The following PXDNL variants were observed in gnomAD, a reference collection of about 807,000 sequenced individuals.
PXDNL encodes peroxidasin like, also known as probable oxidoreductase PXDNL.
PXDNL carries 145 observed loss-of-function variants against 150.8 expected under a neutral mutation model. The ratio of observed to expected loss-of-function variants is 0.96; its 90% CI spans 0.84 to 1.10. The LOEUF (loss-of-function observed/expected upper bound fraction) is 1.10, where lower values mean the gene tolerates loss of function less well. Ranked by LOEUF, PXDNL falls within the 50% of genes least tolerant of loss-of-function variation. PXDNL has a pLI of 0.00. For synonymous variants in PXDNL, 757 were observed against 725.7 expected (o/e 1.04, Z -0.69); for missense variants, 2,087 against 1,873.9 (o/e 1.11, Z -2.10).
At chr8:51,769,592 G>A (rs2037270569) in intron 1 of PXDNL, among the ~76,000 whole-genome samples, 1 of 152,116 alleles carries the variant, frequency 6.6e-6, no homozygotes, top group Non-Finnish European at 1.5e-5. Context: ...TGTGATACAT[G>A]TTTTGACATG....
At chr8:51,555,724 C>T (rs973785585) in intron 4 of PXDNL, among the ~76,000 whole-genome samples, 46 of 152,232 alleles carry the variant, frequency 3.0e-4, no homozygotes, top group African/African-American at 1.1e-3. Flanking sequence ...AGAACTATCC[C>T]ATAGGTTGTC....
chr8:51,719,261 A>T (rs1816679436), intron 1 of PXDNL, among the ~76,000 whole-genome samples: 1 of 152,206 alleles, frequency 6.6e-6, no homozygotes, highest in Non-Finnish European at 1.5e-5. Context: ...TGTAGAAAGA[A>T]GTAGACATAG....
chr8:51,631,781 G>A (rs1337350113), intron 2 of PXDNL, among the ~76,000 whole-genome samples: 1 of 152,064 alleles, frequency 6.6e-6, no homozygotes, highest in African/African-American at 2.4e-5. Flanking sequence ...ACATAACAGT[G>A]GAGGTACAGA....
At chr8:51,590,043 G>A (rs1296048686) in intron 3 of PXDNL, among the ~76,000 whole-genome samples, 2 of 152,106 alleles carry the variant, frequency 1.3e-5, no homozygotes, top group Non-Finnish European at 2.9e-5. Context: ...TTCAGGGAAT[G>A]GGCTCAAGAT....
intron 1 of PXDNL, among the ~76,000 whole-genome samples, chr8:51,741,677 T>C (rs1440150105): frequency 1.3e-5 from 2 of 152,166 alleles, no homozygotes; most frequent in Admixed American, 6.5e-5. Flanking sequence ...AACCCCAAAA[T>C]AGAGCCATAC....
chr8:51,404,254 C>T lies in PXDNL; in HGVS notation c.3557+3813G>A, dbSNP rs139546175. On this transcript the variant is annotated intron_variant, in intron 17 of 22. Coordinates refer to ENST00000356297, the MANE Select transcript of PXDNL (RefSeq NM_144651.5). Reference sequence around the variant, plus strand: ...CGAAAGAGACCGGAGTGGATTGCCACTGTTGGCTCAGGCAGCCTGCTTTTA... The same window carrying T: ...CGAAAGAGACCGGAGTGGATTGCCATTGTTGGCTCAGGCAGCCTGCTTTTA... Among the ~76,000 whole-genome samples, 36 of 152,364 alleles carry T rather than the reference C, an allele frequency of 2.4e-4. 1 individual carries two copies. The East Asian group carries it at 6.8e-3, about 29-fold the overall frequency.
At position 51,413,198 on chromosome 8, in the gene PXDNL, T is replaced by A. The variant is rs1315249734; in HGVS notation, c.1856A>T (p.Gln619Leu). The change falls in exon 15 of 23, where the codon CAG becomes CTG. Residue 619 changes from glutamine (Q) to leucine (L), a missense_variant. Physicochemically the swap from Gln to Leu is moderately radical, Grantham distance 113. Transcript: ENST00000356297. ...FVESSILDAV[Q>L]RVDSAINSTR... is the part of the protein sequence containing the mutation. Reference sequence around the variant, plus strand: ...GGAGTTAATTGCACTGTCAACTCTCTGTACAGCATCAAGAATGGAAGATTC... The same window carrying A: ...GGAGTTAATTGCACTGTCAACTCTCAGTACAGCATCAAGAATGGAAGATTC... The A allele has an allele frequency of 6.2e-7, 1 of 1,612,886 alleles. No homozygotes were observed. Among genetic ancestry groups the A allele is most frequent in the Non-Finnish European group, 8.5e-7 (1 of 1,178,958 alleles).
At chr8:51,637,349 G>A (rs185513536) in intron 2 of PXDNL, among the ~76,000 whole-genome samples, 88 of 152,332 alleles carry the variant, frequency 5.8e-4, no homozygotes, top group Middle Eastern at 6.8e-3. Flanking sequence ...AAGCAGGACA[G>A]AGAATGACTT....
intron 17 of PXDNL, among the ~76,000 whole-genome samples, chr8:51,393,418 A>G (rs1398510736): frequency 2.6e-5 from 4 of 152,264 alleles, no homozygotes; most frequent in African/African-American, 9.6e-5. Flanking sequence ...AAGGAAATGA[A>G]GAGAGCACGT....
At chr8:51,595,368 G>A (rs1321641379) in intron 2 of PXDNL, among the ~76,000 whole-genome samples, 1 of 151,738 alleles carries the variant, frequency 6.6e-6, no homozygotes, top group African/African-American at 2.4e-5. Context: ...TCATCAAAGT[G>A]TAAAATAAAA....
chr8:51,632,929 T>C lies in PXDNL; in HGVS notation c.236+21760A>G, dbSNP rs115998402. Among the ~76,000 whole-genome samples, 511 of 152,288 alleles carry C rather than the reference T, an allele frequency of 3.4e-3. 5 individuals are homozygous for C. Among genetic ancestry groups the C allele is most frequent in the African/African-American group, 0.012 (489 of 41,562 alleles). Reference sequence around the variant, plus strand: ...TGTTATTTTAGATTCAGGGGGTACATGTGTAGGTTTGTTACATGGGTATAC... The same window carrying C: ...TGTTATTTTAGATTCAGGGGGTACACGTGTAGGTTTGTTACATGGGTATAC... On this transcript the variant is annotated intron_variant, in intron 2 of 22. Transcript: ENST00000356297.
At chr8:51,453,387 C>T (rs1390810911) in intron 10 of PXDNL, 132 bp downstream of exon 10, 1 of 1,004,970 alleles carries the variant, frequency 1.0e-6, no homozygotes, top group African/African-American at 1.6e-5. Context: ...CTTTGAAAAT[C>T]TTATTGTGTC....
rs185822326 is a variant in PXDNL at position 51,481,620 on chromosome 8, T to C, written c.524+2023A>G. Among the ~76,000 whole-genome samples, 234 of 152,106 alleles carry C rather than the reference T, an allele frequency of 1.5e-3. 2 individuals carry two copies. Among genetic ancestry groups the C allele is most frequent in the African/African-American group, 5.4e-3 (226 of 41,496 alleles). ...GGCCTGGAGGCCTAGGAGGGAAAAATGGTTTCATGGACTGGGCCTAGGGCC... is the reference window on the plus strand; with the variant it reads ...GGCCTGGAGGCCTAGGAGGGAAAAACGGTTTCATGGACTGGGCCTAGGGCC... On this transcript the variant is annotated intron_variant, in intron 6 of 22. Transcript: ENST00000356297.
intron 12 of PXDNL, among the ~76,000 whole-genome samples, chr8:51,430,156 A>G (rs1293741202): frequency 6.6e-6 from 1 of 152,164 alleles, no homozygotes; most frequent in Non-Finnish European, 1.5e-5. Flanking sequence ...ATCACTTATA[A>G]TATTTTGGAA....
intron 5 of PXDNL, among the ~76,000 whole-genome samples, chr8:51,499,160 C>T (rs778437638): frequency 2.0e-5 from 3 of 152,184 alleles, no homozygotes; most frequent in East Asian, 1.9e-4. Context: ...GATGGAGTCT[C>T]ACTCTGTCAC....
chr8:51,553,771 T>TATATATATATATATATATATAC lies in PXDNL; in HGVS notation c.380+3068_380+3069insGTATATATATATATATATATAT, dbSNP rs1236843720. On this transcript the variant is annotated intron_variant, in intron 4 of 22. Coordinates refer to ENST00000356297, the MANE Select transcript of PXDNL (RefSeq NM_144651.5). ...ATATATATATATATATATATATATA[T>TATATATATATATATATATATAC]ACACACACTGAAAATATAAATCTCG... Among the ~76,000 whole-genome samples, 92 of 63,664 alleles carry TATATATATATATATATATATAC rather than the reference T, an allele frequency of 1.4e-3. 2 individuals carry two copies. The highest frequency in any genetic ancestry group is 8.1e-3 in the African/African-American group (86 of 10,584). 41.8% of individuals were successfully genotyped at this position (63,664 alleles called of 152,430 possible).
chr8:51,794,272 C>T (rs2129258201), intron 1 of PXDNL, among the ~76,000 whole-genome samples: 1 of 152,238 alleles, frequency 6.6e-6, no homozygotes, highest in Middle Eastern at 3.4e-3. Context: ...CTTACCAAAC[C>T]TAACAAGACA....
intron 3 of PXDNL, 131 bp downstream of exon 3, chr8:51,592,496 G>A: frequency 1.6e-6 from 1 of 610,982 alleles, no homozygotes; most frequent in Non-Finnish European, 2.8e-6. Flanking sequence ...TCATATGTGA[G>A]TTTTATATAA....
chr8:51,788,040 C>A (rs1273131949), intron 1 of PXDNL, among the ~76,000 whole-genome samples: 2 of 152,158 alleles, frequency 1.3e-5, no homozygotes, highest in Non-Finnish European at 2.9e-5. Flanking sequence ...AAAGTGTTTT[C>A]AAATTAAGCT....
Sources: gnomAD v4.1 joint callset for allele counts (sites outside exome capture counted in the v4.1 genomes callset) on GRCh38, gnomAD v4.1.1 for gene constraint, MANE v1.5 for transcripts, NCBI Gene and HGNC (gene_info 2026-07-23, HGNC 2026-07-21) for gene names.